DCT: variants seen among roughly 807,000 people sequenced by gnomAD.
The protein encoded by DCT is L-dopachrome tautomerase.
DCT carries 47 observed loss-of-function variants against 53.0 expected under a neutral mutation model. The observed-to-expected ratio is 0.89, with a 90% CI of 0.70 to 1.13. DCT has a LOEUF of 1.13. Ranked by LOEUF, DCT falls within the 50% of genes most tolerant of loss-of-function variation. The pLI is 0.00. For synonymous variants in DCT, 244 were observed against 237.0 expected, an observed-to-expected ratio of 1.03 and a Z score of -0.27; for missense variants, 669 against 637.4, an observed-to-expected ratio of 1.05 and a Z score of -0.53.
Position 94,463,322 on chromosome 13 carries a change from T to C in DCT, c.864-1133A>G, listed in dbSNP as rs138402278. Among the ~76,000 whole-genome samples, 444 of 150,680 alleles carry C rather than the reference T, an allele frequency of 2.9e-3. 5 individuals carry two copies. The highest frequency in any genetic ancestry group is 0.01 in the African/African-American group (427 of 40,946). On this transcript the variant is annotated intron_variant, in intron 4 of 7. Coordinates refer to ENST00000377028, the MANE Select transcript of DCT (RefSeq NM_001922.5). ...TTTTTTTTGAGACAGAGTCTCACTCTGTAGCCCAGGCTGGAGTACAATGGC... is the reference window on the plus strand; with the variant it reads ...TTTTTTTTGAGACAGAGTCTCACTCCGTAGCCCAGGCTGGAGTACAATGGC...
chr13:94,547,984 A>AAAT, the DCT span, among the ~76,000 whole-genome samples: 2 of 65,820 alleles, frequency 3.0e-5, no homozygotes, highest in African/African-American at 2.6e-4. Context: ...AAAAAAAAAA[A>AAAT]ATATATATAT....
At chr13:94,466,380 A>C (rs1884219166) in intron 3 of DCT, among the ~76,000 whole-genome samples, 178 bp downstream of exon 3, 1 of 152,076 alleles carries the variant, frequency 6.6e-6, no homozygotes, top group African/African-American at 2.4e-5. Flanking sequence ...CTTACCACAC[A>C]CACACAAAAA....
upstream of DCT, among the ~76,000 whole-genome samples, chr13:94,481,174 T>C (rs1885426591): frequency 6.6e-6 from 1 of 152,262 alleles, no homozygotes; most frequent in Non-Finnish European, 1.5e-5. Context: ...GGACACTTAT[T>C]GGATGTAGAG....
chr13:94,520,210 A>C, the DCT span, among the ~76,000 whole-genome samples: 2 of 152,224 alleles, frequency 1.3e-5, no homozygotes, highest in Non-Finnish European at 2.9e-5. Flanking sequence ...GAATAAAAGG[A>C]AAAGACAACC....
At chr13:94,520,884 G>A in the DCT span, among the ~76,000 whole-genome samples, 2 of 152,146 alleles carry the variant, frequency 1.3e-5, no homozygotes, top group East Asian at 3.8e-4. Flanking sequence ...AAATCACACG[G>A]TAAATATTTA....
intron 1 of DCT, among the ~76,000 whole-genome samples, chr13:94,476,715 G>A (rs1885114085): frequency 6.6e-6 from 1 of 152,012 alleles, no homozygotes; most frequent in Admixed American, 6.6e-5. Flanking sequence ...ACCCGTCTTG[G>A]CCTCCCAAAG....
the DCT span, among the ~76,000 whole-genome samples, chr13:94,546,402 A>G: frequency 6.6e-6 from 1 of 152,098 alleles, no homozygotes; most frequent in Non-Finnish European, 1.5e-5. The surrounding 1 kb of genome is among the most constrained non-coding windows in gnomAD (Gnocchi z 4.2). Context: ...TGTACAAATC[A>G]AAGTTCAGTT....
At chr13:94,482,418 T>C (rs566092262), upstream of DCT, among the ~76,000 whole-genome samples, 19 of 152,334 alleles carry the variant, frequency 1.2e-4, no homozygotes, top group East Asian at 1.7e-3. Context: ...ATAATCTTGC[T>C]CAGAGCCCTC....
the DCT span, among the ~76,000 whole-genome samples, chr13:94,500,560 A>G: frequency 6.6e-6 from 1 of 152,196 alleles, no homozygotes; most frequent in Non-Finnish European, 1.5e-5. Flanking sequence ...TAAGAGTTTG[A>G]TGTTTTTAGA....
rs1226296879 is a variant in DCT, at chr13:94,437,585, T to G, written c.*2313A>C. On this transcript the variant is annotated 3_prime_UTR_variant, in exon 8 of 8. Transcript: ENST00000377028. Reference sequence around the variant, plus strand: ...TGAAGATATAAGCAGTAAAGTGATCTGGTCATTTTCTCCAAGGTTGAATTC... The same window carrying G: ...TGAAGATATAAGCAGTAAAGTGATCGGGTCATTTTCTCCAAGGTTGAATTC... The G allele has an allele frequency of 6.6e-6, 1 of 152,202 alleles. No homozygotes were observed. The highest frequency in any genetic ancestry group is 1.9e-4 in the East Asian group (1 of 5,202). 9.4% of individuals were successfully genotyped at this position (152,202 alleles called of 1,614,324 possible).
the DCT span, among the ~76,000 whole-genome samples, chr13:94,497,874 A>ATGTGTGTG: frequency 1.1e-4 from 16 of 150,196 alleles, no homozygotes; most frequent in African/African-American, 4.0e-4. Context: ...GGGGTCACCT[A>ATGTGTGTG]TATGTGTGTG....
chr13:94,530,298 G>A, the DCT span, among the ~76,000 whole-genome samples: 61,350 of 152,032 alleles, frequency 0.4, 13,143 homozygotes, highest in East Asian at 0.62. Context: ...TGAGGCTAGC[G>A]TCATCCTGAT....
intron 4 of DCT, 38 bp downstream of exon 4, chr13:94,465,595 C>T (rs749386456): frequency 1.9e-6 from 3 of 1,599,612 alleles, no homozygotes; most frequent in Admixed American, 1.7e-5. Flanking sequence ...TCAGAAAAGA[C>T]AATCTCTGGA....
intron 2 of DCT, 183 bp from the exon 3 acceptor site, chr13:94,466,841 T>C: frequency 2.6e-6 from 1 of 378,552 alleles, no homozygotes; most frequent in Non-Finnish European, 4.8e-6. Flanking sequence ...CAGAAGTAAC[T>C]AGTACTTTTA....
chr13:94,486,778 G>A, the DCT span, among the ~76,000 whole-genome samples: 2 of 152,206 alleles, frequency 1.3e-5, no homozygotes, highest in African/African-American at 4.8e-5. Context: ...TCAAGCAACT[G>A]ATTCACGCAG....
intron 7 of DCT, among the ~76,000 whole-genome samples, chr13:94,441,795 C>T (rs1882336635): frequency 6.6e-6 from 1 of 152,178 alleles, no homozygotes; most frequent in African/African-American, 2.4e-5. Flanking sequence ...GTAAGTAATG[C>T]TGCTATGAAC....
the DCT span, among the ~76,000 whole-genome samples, chr13:94,510,952 T>A: frequency 1.3e-5 from 2 of 152,206 alleles, no homozygotes; most frequent in Non-Finnish European, 2.9e-5. Flanking sequence ...TTCTACTTCC[T>A]AAATATTTCT....
chr13:94,438,102 A>G lies in DCT; in HGVS notation c.*1796T>C, dbSNP rs1161096129. 6.6e-6 allele frequency: 1 copy of G among 152,298 alleles called. No individual in the cohort carries two copies. The highest frequency in any genetic ancestry group is 1.5e-5 in the Non-Finnish European group (1 of 68,104). 9.4% of individuals were successfully genotyped at this position (152,298 alleles called of 1,614,324 possible). ...GATTTATACATAACTTTTCAGAAATATATGTACCATGCACAATTATATCTC... is the reference window on the plus strand; with the variant it reads ...GATTTATACATAACTTTTCAGAAATGTATGTACCATGCACAATTATATCTC... On this transcript the variant is annotated 3_prime_UTR_variant, in exon 8 of 8. Coordinates refer to ENST00000377028, the MANE Select transcript of DCT (RefSeq NM_001922.5).
At position 94,468,988 on chromosome 13, in the gene DCT, C is replaced by T; in HGVS notation, c.353G>A (p.Cys118Tyr). Residue 118 changes from cysteine to tyrosine, a missense_variant, in exon 2 of 8, where the codon TGC becomes TAC. Coordinates refer to ENST00000377028, the MANE Select transcript of DCT (RefSeq NM_001922.5). ...DCKFGWTGPN[C>Y]ERKKPPVIRQ... ...AATCACTGGTGGTTTCTTCCGCTCGCAGTTGGGACCGGTCCAGCCAAACTT... is the reference window on the plus strand; with the variant it reads ...AATCACTGGTGGTTTCTTCCGCTCGTAGTTGGGACCGGTCCAGCCAAACTT... 2 of 1,614,162 alleles carry T rather than the reference C, an allele frequency of 1.2e-6. No individual in the cohort carries two copies. Among genetic ancestry groups the T allele is most frequent in the Non-Finnish European group, 1.7e-6 (2 of 1,180,016 alleles).
Sources: allele counts gnomAD v4.1 joint callset (sites outside exome capture counted in the v4.1 genomes callset), GRCh38; gene constraint gnomAD v4.1.1; non-coding constraint Gnocchi (gnomAD v3.1); transcripts MANE v1.5; gene names NCBI Gene and HGNC (gene_info 2026-07-23, HGNC 2026-07-21).